Variants in ST3GAL1 observed in about 807,000 individuals in gnomAD.
The protein encoded by ST3GAL1 is ST3 beta-galactoside alpha-2,3-sialyltransferase 1.
In ST3GAL1, 16 loss-of-function variants were observed where a neutral mutation model predicts 34.1. The observed-to-expected ratio is 0.47, with a 90% CI of 0.32 to 0.71. The LOEUF is 0.71. ST3GAL1 is among the 30% of genes least tolerant of loss of function. The pLI, the probability that ST3GAL1 is intolerant of heterozygous loss-of-function variation, is 0.04. For missense variants in ST3GAL1, 353 were observed against 447.4 expected (o/e 0.79, Z 1.90); for synonymous variants, 191 against 184.7 (o/e 1.03, Z -0.28).
At chr8:133,484,655 G>A (rs1426228519) in intron 3 of ST3GAL1, among the ~76,000 whole-genome samples, 1 of 152,170 alleles carries the variant, frequency 6.6e-6, no homozygotes, top group African/African-American at 2.4e-5. Flanking sequence ...ACAAGGGAGT[G>A]TGTCTGACCT....
Position 133,456,740 on chromosome 8 carries a change from T to G in ST3GAL1, c.*3024A>C, listed in dbSNP as rs117222248. 3,437 of 152,346 alleles carry G rather than the reference T, an allele frequency of 0.023. 71 individuals are homozygous for G. Among genetic ancestry groups the G allele is most frequent in the Non-Finnish European group, 0.037 (2,549 of 68,096 alleles). 9.4% of individuals were successfully genotyped at this position (152,346 alleles called of 1,614,324 possible). On this transcript the variant is annotated 3_prime_UTR_variant, in exon 10 of 10. Coordinates refer to ENST00000522652, the MANE Select transcript of ST3GAL1 (RefSeq NM_173344.3). ...ATGCAGTCTCCTGCACGGGAGGGTG[T>G]GAGAAGGCCACCCAGGCAGCCTGCA...
At chr8:133,464,978 G>C (rs750612042) in intron 6 of ST3GAL1, 21 bp from the exon 7 acceptor site, 1 of 1,605,574 alleles carries the variant, frequency 6.2e-7, no homozygotes, top group East Asian at 2.2e-5. Context: ...AGGGGAGAAA[G>C]CTGAGTCTTG....
At chr8:133,495,140 C>G (rs1586616644) in intron 3 of ST3GAL1, among the ~76,000 whole-genome samples, 1 of 151,912 alleles carries the variant, frequency 6.6e-6, no homozygotes, top group Non-Finnish European at 1.5e-5. Context: ...GGATGGTCTC[C>G]ATCTCCTGAC....
rs547165022 is a variant in ST3GAL1 at position 133,527,673 on chromosome 8, G to A, written c.-429+18101C>T. On this transcript the variant is annotated intron_variant, in intron 2 of 9. Transcript: ENST00000522652. The stretch of plus-strand genomic sequence containing the variant: ...ATAGCATTTGGCTCATCCTAGGCAC[G>A]GGAGAACTATATGCCAGGACTCAGC... 5.3e-5 allele frequency among the ~76,000 whole-genome samples: 8 copies of A among 152,314 alleles called. 1 individual carries two copies. The highest frequency in any genetic ancestry group is 1.9e-4 in the African/African-American group (8 of 41,564).
chr8:133,538,071 G>A (rs927332845), intron 2 of ST3GAL1, among the ~76,000 whole-genome samples: 5 of 152,204 alleles, frequency 3.3e-5, no homozygotes, highest in South Asian at 2.1e-4. Context: ...GAGGGCTTCC[G>A]AAAGATCTCT....
chr8:133,521,111 C>A (rs1166610969), intron 2 of ST3GAL1, among the ~76,000 whole-genome samples: 3 of 133,904 alleles, frequency 2.2e-5, no homozygotes, highest in Non-Finnish European at 4.7e-5. Flanking sequence ...CACCACCACA[C>A]CCAGCTAATT....
chr8:133,499,995 G>C (rs181766295), intron 2 of ST3GAL1, among the ~76,000 whole-genome samples: 43 of 152,346 alleles, frequency 2.8e-4, no homozygotes, highest in South Asian at 8.3e-4. Context: ...CGAAGGAACA[G>C]AGAGACGTGA....
At chr8:133,494,065 T>A (rs1224859826) in intron 3 of ST3GAL1, among the ~76,000 whole-genome samples, 1 of 152,130 alleles carries the variant, frequency 6.6e-6, no homozygotes, top group East Asian at 1.9e-4. Context: ...AGCTTCTCAG[T>A]GAAGAAAAGG....
At chr8:133,504,150 C>A (rs571806148) in intron 2 of ST3GAL1, among the ~76,000 whole-genome samples, 3 of 152,198 alleles carry the variant, frequency 2.0e-5, no homozygotes. Flanking sequence ...TCCTCTCCCC[C>A]TCCTCCAGTC....
intron 2 of ST3GAL1, among the ~76,000 whole-genome samples, chr8:133,529,586 T>A (rs1818085101): frequency 6.6e-6 from 1 of 152,104 alleles, no homozygotes. Flanking sequence ...CTAGGGTAGA[T>A]GGCCAGAGAA....
Position 133,476,012 on chromosome 8 carries a change from G to C in ST3GAL1, c.13C>G (p.Arg5Gly). ...GTGAGCACTTTCAGGGTCCTCTTCC[G>C]CAGGGTCACCATCTTCGCAGTCCTG... Reference protein sequence around the residue: MVTLRKRTLKVLTFL... With the variant: MVTLGKRTLKVLTFL... Residue 5 changes from arginine to glycine, a missense_variant, in exon 5 of 10, where the codon CGG becomes GGG. Arg to Gly is a moderately radical substitution (Grantham distance 125). Transcript: ENST00000522652. 1 of 1,592,786 alleles carries C rather than the reference G, an allele frequency of 6.3e-7. No homozygotes were observed. The highest frequency in any genetic ancestry group is 8.6e-7 in the Non-Finnish European group (1 of 1,168,260).
intron 2 of ST3GAL1, among the ~76,000 whole-genome samples, chr8:133,501,130 T>G (rs941460832): frequency 5.9e-5 from 9 of 152,158 alleles, no homozygotes; most frequent in African/African-American, 2.2e-4. Flanking sequence ...CAAGGCCAGA[T>G]GTGGGAAAGG....
At chr8:133,543,596 T>C (rs755017787) in intron 2 of ST3GAL1, among the ~76,000 whole-genome samples, 4 of 152,062 alleles carry the variant, frequency 2.6e-5, no homozygotes, top group Non-Finnish European at 5.9e-5. Context: ...AAAAATAAAA[T>C]AATTGAAAAA....
At chr8:133,481,188 G>C (rs1277278411) in intron 3 of ST3GAL1, among the ~76,000 whole-genome samples, 2 of 152,232 alleles carry the variant, frequency 1.3e-5, no homozygotes, top group Non-Finnish European at 2.9e-5. Flanking sequence ...AGAGGCTCTG[G>C]ATGAGGCTGT....
intron 1 of ST3GAL1, among the ~76,000 whole-genome samples, chr8:133,554,948 C>T (rs987338291): frequency 1.3e-5 from 2 of 151,934 alleles, no homozygotes; most frequent in African/African-American, 4.8e-5. Flanking sequence ...AGGATGGTCT[C>T]GAGCTCCTGA....
chr8:133,524,789 G>A (rs79687597), intron 2 of ST3GAL1, among the ~76,000 whole-genome samples: 11,190 of 152,304 alleles, frequency 0.073, 771 homozygotes, highest in African/African-American at 0.17. Flanking sequence ...ACCCATGTCT[G>A]GATGAAGAAG....
At chr8:133,540,934 C>CATATATAGACATATATAGAGACAT (rs1818480301) in intron 2 of ST3GAL1, among the ~76,000 whole-genome samples, 3 of 51,392 alleles carry the variant, frequency 5.8e-5, no homozygotes, top group Non-Finnish European at 9.7e-5. Flanking sequence ...TATATATAGA[C>CATATATAGACATATATAGAGACAT]ATATATAGAC....
At chr8:133,559,116 T>A (rs1231966497) in intron 1 of ST3GAL1, among the ~76,000 whole-genome samples, 1 of 151,932 alleles carries the variant, frequency 6.6e-6, no homozygotes, top group East Asian at 1.9e-4. Flanking sequence ...GCGATGCTGT[T>A]TGGGGCCTTC....
Position 133,458,556 on chromosome 8 carries a change from G to C in ST3GAL1, c.*1208C>G, listed in dbSNP as rs1815382507. Reference sequence around the variant, plus strand: ...GAACAGTCTGAGAATGAGAATGTACGTTCCATTCTGACGCACTGCTGGGTG... The same window carrying C: ...GAACAGTCTGAGAATGAGAATGTACCTTCCATTCTGACGCACTGCTGGGTG... On this transcript the variant is annotated 3_prime_UTR_variant, in exon 10 of 10. Coordinates refer to ENST00000522652, the MANE Select transcript of ST3GAL1 (RefSeq NM_173344.3). The C allele has an allele frequency of 6.6e-6, 1 of 152,198 alleles. No individual in the cohort carries two copies. Among genetic ancestry groups the C allele is most frequent in the Non-Finnish European group, 1.5e-5 (1 of 68,058 alleles). 9.4% of individuals were successfully genotyped at this position (152,198 alleles called of 1,614,324 possible).
Sources: allele counts gnomAD v4.1 joint callset (sites outside exome capture counted in the v4.1 genomes callset), GRCh38; gene constraint gnomAD v4.1.1; transcripts MANE v1.5; gene names NCBI Gene and HGNC (gene_info 2026-07-23, HGNC 2026-07-21).